Variants in POF1B observed in about 807,000 individuals in gnomAD.
The protein encoded by POF1B is protein POF1B.
Under a neutral mutation model 55.3 loss-of-function variants are expected in POF1B, and 53 were observed. The ratio of observed to expected loss-of-function variants is 0.96; its 90% CI spans 0.77 to 1.20. POF1B has a LOEUF of 1.20. POF1B is among the 50% of genes most tolerant of loss of function. POF1B has a pLI of 0.00. For synonymous variants in POF1B, 188 were observed against 148.3 expected (o/e 1.27, Z -1.95); for missense variants, 478 against 420.5 (o/e 1.14, Z -1.20).
chrX:85,319,485 T>C (rs1307609022), intron 7 of POF1B, among the ~76,000 whole-genome samples: 2 of 111,492 alleles, frequency 1.8e-5, no homozygotes, highest in Admixed American at 1.9e-4. Flanking sequence ...GCCCATTTAG[T>C]ATGATGTTGC....
intron 5 of POF1B, among the ~76,000 whole-genome samples, chrX:85,350,158 T>C (rs1031158808): frequency 1.4e-4 from 15 of 110,249 alleles, no homozygotes; most frequent in African/African-American, 5.0e-4. Context: ...GCATTAAGTA[T>C]ATCTCCTAAA....
chrX:85,328,358 C>A (rs1316937896), intron 7 of POF1B, among the ~76,000 whole-genome samples: 1 of 109,124 alleles, frequency 9.2e-6, no homozygotes, highest in Non-Finnish European at 1.9e-5. Flanking sequence ...GCGCCCGCCA[C>A]TAGGCCCGGC....
chrX:85,362,868 CT>C (rs1933648830), intron 3 of POF1B, among the ~76,000 whole-genome samples: 1 of 111,187 alleles, frequency 9.0e-6, no homozygotes, highest in Non-Finnish European at 1.9e-5. Context: ...GTGAATCCAT[CT>C]GGTCCTGGGC....
At chrX:85,355,845 G>T (rs1388133683) in intron 4 of POF1B, among the ~76,000 whole-genome samples, 3 of 111,213 alleles carry the variant, frequency 2.7e-5, no homozygotes, top group East Asian at 2.9e-4. Flanking sequence ...ATAGGAACAC[G>T]TTTACACTGT....
At position 85,279,327 on chromosome X, in the gene POF1B, C is replaced by A; in HGVS notation, c.*94G>T. 1.1e-6 allele frequency: 1 copy of A among 907,996 alleles called. No individual in the cohort carries two copies. The allele number at this position is 907,996 out of a possible 1,213,427, so 74.8% of individuals were successfully genotyped here. ...CAGCATGGTTCCAAATTCTGATTGGCCTTTAGTGATGGAAAAATAACAAAG... is the reference window on the plus strand; with the variant it reads ...CAGCATGGTTCCAAATTCTGATTGGACTTTAGTGATGGAAAAATAACAAAG... On this transcript the variant is annotated 3_prime_UTR_variant, in exon 17 of 17. Transcript: ENST00000262753.
intron 4 of POF1B, among the ~76,000 whole-genome samples, chrX:85,354,581 C>A (rs1933451065): frequency 2.7e-5 from 3 of 111,168 alleles, no homozygotes; most frequent in Non-Finnish European, 5.7e-5. Context: ...CCAAAATCTC[C>A]TTAAGCTGAT....
At chrX:85,339,140 T>C (rs1289740298) in intron 6 of POF1B, among the ~76,000 whole-genome samples, 5 of 111,045 alleles carry the variant, frequency 4.5e-5, no homozygotes, top group African/African-American at 6.5e-5. Context: ...TTGGGAGGCC[T>C]CACAATCATG....
At chrX:85,372,566 G>T (rs1255802045) in intron 2 of POF1B, among the ~76,000 whole-genome samples, 1 of 105,805 alleles carries the variant, frequency 9.5e-6, no homozygotes, top group Non-Finnish European at 1.9e-5. Context: ...ACACACAGGG[G>T]CCTGTCAGAA....
At chrX:85,294,615 T>C (rs1932268025) in intron 15 of POF1B, among the ~76,000 whole-genome samples, 1 of 112,006 alleles carries the variant, frequency 8.9e-6, no homozygotes, top group Admixed American at 9.5e-5. Flanking sequence ...GGATTGGGCT[T>C]GCAAGTATTT....
chrX:85,292,327 A>T (rs575229841), intron 15 of POF1B, among the ~76,000 whole-genome samples: 42 of 111,755 alleles, frequency 3.8e-4, no homozygotes, highest in African/African-American at 1.2e-3. Flanking sequence ...GAGCTGCTGG[A>T]TTTGGTTTGC....
chrX:85,280,925 C>T (rs1931882423), intron 16 of POF1B, among the ~76,000 whole-genome samples: 1 of 110,834 alleles, frequency 9.0e-6, no homozygotes. Flanking sequence ...GGAGACTGTC[C>T]TGCACATCGT....
intron 7 of POF1B, among the ~76,000 whole-genome samples, chrX:85,325,567 T>C (rs767891523): frequency 1.8e-5 from 2 of 112,282 alleles, no homozygotes; most frequent in Non-Finnish European, 3.8e-5. Context: ...GTCTATCAGC[T>C]CCTGCATTGT....
chrX:85,295,823 C>G (rs1057361360), intron 15 of POF1B, among the ~76,000 whole-genome samples: 3 of 111,786 alleles, frequency 2.7e-5, no homozygotes, highest in Non-Finnish European at 5.6e-5. Context: ...TGGGGTGTTG[C>G]AGTCTCCCAT....
chrX:85,313,047 G>T (rs980633090), intron 9 of POF1B, among the ~76,000 whole-genome samples: 2 of 112,087 alleles, frequency 1.8e-5, no homozygotes, highest in African/African-American at 3.2e-5. Context: ...CTTTGCTGAA[G>T]TTGCTTATCA....
chrX:85,288,189 A>T (rs1330413630), intron 15 of POF1B, among the ~76,000 whole-genome samples: 1 of 111,642 alleles, frequency 9.0e-6, no homozygotes, highest in Non-Finnish European at 1.9e-5. Context: ...TGTTAAGAAC[A>T]TTGAAAGTCT....
intron 15 of POF1B, among the ~76,000 whole-genome samples, chrX:85,284,161 C>CA (rs1392147541): frequency 1.7e-4 from 19 of 111,470 alleles, no homozygotes; most frequent in Non-Finnish European, 3.8e-5. Context: ...AAAGAGAACA[C>CA]AAACAAATGG....
At chrX:85,350,800 C>T (rs961012997) in intron 5 of POF1B, among the ~76,000 whole-genome samples, 3 of 111,335 alleles carry the variant, frequency 2.7e-5, no homozygotes, top group African/African-American at 6.5e-5. Flanking sequence ...CCATCTCACA[C>T]CAGTTAGAAT....
At chrX:85,326,784 C>T (rs1328670370) in intron 7 of POF1B, among the ~76,000 whole-genome samples, 1 of 109,279 alleles carries the variant, frequency 9.2e-6, no homozygotes, top group Non-Finnish European at 1.9e-5. Context: ...CCCACGGGGG[C>T]TGCTTCCCCT....
intron 4 of POF1B, among the ~76,000 whole-genome samples, chrX:85,354,356 G>C (rs1027771772): frequency 9.0e-6 from 1 of 110,991 alleles, no homozygotes; most frequent in Admixed American, 9.6e-5. Flanking sequence ...TGACGATCTT[G>C]AGTACCACAT....
Sources: allele counts gnomAD v4.1 joint callset (sites outside exome capture counted in the v4.1 genomes callset), GRCh38; gene constraint gnomAD v4.1.1; transcripts MANE v1.5; gene names NCBI Gene and HGNC (gene_info 2026-07-23, HGNC 2026-07-21).